Variants in PCSK6 observed in about 807,000 individuals in gnomAD.
PCSK6 encodes paired basic amino acid cleaving enzyme 4.
A neutral mutation model predicts 123.3 loss-of-function variants in PCSK6; 85 were observed. The ratio of observed to expected loss-of-function variants is 0.69; its 90% CI spans 0.58 to 0.83. The LOEUF (loss-of-function observed/expected upper bound fraction) is 0.83. Among genes scored for constraint, PCSK6 ranks in the 40% least tolerant of loss-of-function variants. PCSK6 has a pLI of 0.00. For synonymous variants in PCSK6, 508 were observed against 516.0 expected (o/e 0.98, Z 0.21); for missense variants, 1,191 against 1,282.3 (o/e 0.93, Z 1.09).
intron 20 of PCSK6, chr15:101,307,645 C>T: frequency 3.3e-6 from 1 of 299,058 alleles, no homozygotes; most frequent in South Asian, 4.0e-5. Flanking sequence ...GGCACCCAGC[C>T]CCCACCCCAC....
At chr15:101,385,505 T>C (rs969595613) in intron 9 of PCSK6, among the ~76,000 whole-genome samples, 2 of 152,184 alleles carry the variant, frequency 1.3e-5, no homozygotes, top group Non-Finnish European at 2.9e-5. Flanking sequence ...AACTCTTCAA[T>C]AGTTACAAAA....
Position 101,307,323 on chromosome 15 carries a change from C to T in PCSK6, c.2702G>A (p.Cys901Tyr). The T allele has an allele frequency of 6.2e-7, 1 of 1,611,292 alleles. No individual in the cohort carries two copies. The highest frequency in any genetic ancestry group is 8.5e-7 in the Non-Finnish European group (1 of 1,178,260). The change falls in exon 21 of 22, where the codon TGT becomes TAT. Residue 901 changes from cysteine (C) to tyrosine (Y), a missense_variant and splice_region_variant. By Grantham distance (194) the Cys-to-Tyr change is radical. This residue lies in a region of PCSK6 where 630 missense variants were observed against 631.4 expected (regional missense o/e 1.00). Coordinates refer to ENST00000611716, the MANE Select transcript of PCSK6 (RefSeq NM_002570.5). ...TGCACAGCTCAAGCAGTTCTCGTCACACCTGTGGGAAGATACCGTTCCTGC... is the reference window on the plus strand; with the variant it reads ...TGCACAGCTCAAGCAGTTCTCGTCATACCTGTGGGAAGATACCGTTCCTGC... ...PGLPHKVCRR[C>Y]DENCLSCAGS... is the part of the protein sequence containing the mutation.
chr15:101,347,553 G>A, intron 13 of PCSK6: 4 of 1,400,116 alleles, frequency 2.9e-6, no homozygotes, highest in Non-Finnish European at 3.7e-6. Flanking sequence ...GTTCATGCTT[G>A]CACGCACACG....
At chr15:101,399,869 T>C (rs891073930) in intron 6 of PCSK6, among the ~76,000 whole-genome samples, 2 of 152,172 alleles carry the variant, frequency 1.3e-5, no homozygotes, top group Non-Finnish European at 1.5e-5. Context: ...GCTCTGTGTG[T>C]GCGATGACCA....
chr15:101,376,933 C>T (rs1236887975), intron 11 of PCSK6, among the ~76,000 whole-genome samples: 1 of 152,220 alleles, frequency 6.6e-6, no homozygotes, highest in African/African-American at 2.4e-5. Flanking sequence ...CAGGTATACA[C>T]AGAGGTCAGA....
chr15:101,326,589 TC>T, intron 15 of PCSK6, 110 bp from the exon 16 acceptor site: 2 of 1,063,062 alleles, frequency 1.9e-6, no homozygotes, highest in Non-Finnish European at 1.4e-6. Context: ...TGGGAGACGC[TC>T]CCAGGCCCCG....
rs772968539 is a variant in PCSK6, at chr15:101,326,466, C to A, written c.2091G>T (p.Pro697=). The change falls in exon 16 of 22, where the codon CCG becomes CCT. Residue 697 remains proline, a synonymous_variant. Coordinates refer to ENST00000611716, the MANE Select transcript of PCSK6 (RefSeq NM_002570.5). The stretch of plus-strand genomic sequence containing the variant: ...CATCACAGCCTTTGTCACCACACTC[C>A]GGATGGCACACACCTTAAAGAAACA... The part of the protein sequence containing the change: ...ANILQTSVCH[P]ECGDKGCDGP... 3 of 1,580,322 alleles carry A rather than the reference C, an allele frequency of 1.9e-6. No individual in the cohort carries two copies. Among genetic ancestry groups the A allele is most frequent in the South Asian group, 1.2e-5 (1 of 85,936 alleles).
intron 6 of PCSK6, among the ~76,000 whole-genome samples, chr15:101,410,410 G>A (rs956081691): frequency 6.6e-6 from 1 of 152,198 alleles, no homozygotes; most frequent in Non-Finnish European, 1.5e-5. Flanking sequence ...GAGAGAAGGA[G>A]AACTATGTGC....
intron 1 of PCSK6, among the ~76,000 whole-genome samples, chr15:101,482,651 G>A (rs778328888): frequency 2.6e-5 from 4 of 152,208 alleles, no homozygotes; most frequent in African/African-American, 7.2e-5. Flanking sequence ...GCCGGCAGGA[G>A]TATCAGGCGG....
chr15:101,439,769 C>T (rs1216148399), intron 2 of PCSK6, among the ~76,000 whole-genome samples: 4 of 152,220 alleles, frequency 2.6e-5, no homozygotes, highest in Non-Finnish European at 5.9e-5. Context: ...AAGTCCCATC[C>T]TACAAAACAG....
At position 101,411,832 on chromosome 15, in the gene PCSK6, G is replaced by A. The variant is rs111665256; in HGVS notation, c.824-13256C>T. On this transcript the variant is annotated intron_variant, in intron 6 of 21. Transcript: ENST00000611716. ...CAGGAAACAGCAGGTAGGAAGCAGC[G>A]CTTTTACCTCCAGCAACCTCAAAAG... 1.6e-4 allele frequency among the ~76,000 whole-genome samples: 24 copies of A among 152,272 alleles called. No individual in the cohort carries two copies. The South Asian group carries it at 3.3e-3, about 21-fold the overall frequency.
In PCSK6 at chr15:101,444,080, G is replaced by A. The variant is rs555374193; in HGVS notation, c.298-420C>T. Among the ~76,000 whole-genome samples, 3 of 152,150 alleles carry A rather than the reference G, an allele frequency of 2.0e-5. 1 individual carries two copies. The South Asian group carries it at 6.2e-4, about 32-fold the overall frequency. ...ACAAACCCCATCCTCTCCACCCCAT[G>A]GGTAAACTGAAATATCGAAGAATGA... On this transcript the variant is annotated intron_variant, in intron 1 of 21. Transcript: ENST00000611716.
intron 2 of PCSK6, among the ~76,000 whole-genome samples, chr15:101,435,622 C>G (rs554509344): frequency 6.6e-6 from 1 of 152,356 alleles, no homozygotes; most frequent in African/African-American, 2.4e-5. Flanking sequence ...AAGCTACGCT[C>G]TGGGGCAGGG....
chr15:101,465,659 A>T (rs528113656), intron 1 of PCSK6, among the ~76,000 whole-genome samples: 1 of 146,168 alleles, frequency 6.8e-6, no homozygotes, highest in Admixed American at 6.9e-5. Flanking sequence ...AACTGAAGGA[A>T]GACAATGGTG....
intron 13 of PCSK6, chr15:101,347,641 C>A: frequency 6.4e-7 from 1 of 1,572,202 alleles, no homozygotes; most frequent in Non-Finnish European, 8.7e-7. Context: ...GCTGAGAGAT[C>A]CAGCTCTGGA....
chr15:101,462,985 G>A lies in PCSK6; in HGVS notation c.298-19325C>T, dbSNP rs573548297. 5 of 456,140 alleles carry A rather than the reference G, an allele frequency of 1.1e-5. No homozygotes were observed. The East Asian group carries it at 3.4e-4, about 31-fold the overall frequency. The allele number at this position is 456,140 out of a possible 1,614,324, so 28.3% of individuals were successfully genotyped here. ...GCCTGGGAAGGCTTTGTGCAGAGGA[G>A]GGCCGTTTCCTCCTCCGTGTTGGGA... is the stretch of plus-strand genomic sequence containing the variant. On this transcript the variant is annotated intron_variant, in intron 1 of 21. Transcript: ENST00000611716.
chr15:101,384,321 C>T lies in PCSK6; in HGVS notation c.1414+1G>A. The T allele has an allele frequency of 1.9e-6, 3 of 1,613,584 alleles. No homozygotes were observed. The highest frequency in any genetic ancestry group is 1.1e-5 in the South Asian group (1 of 91,002). On this transcript the variant is annotated splice_donor_variant, in intron 10 of 21. Transcript: ENST00000611716. LOFTEE classifies it high-confidence loss of function. The stretch of plus-strand genomic sequence containing the variant: ...GGTCCACCAGAACGCCACTGCCGCA[C>T]CTTTATGACCCGCGCCGTTCACTTT...
chr15:101,353,412 G>A (rs2040952667), intron 13 of PCSK6, among the ~76,000 whole-genome samples: 1 of 152,156 alleles, frequency 6.6e-6, no homozygotes, highest in South Asian at 2.1e-4. Context: ...CTCACCTCCT[G>A]CTGTGTAGTC....
At chr15:101,321,776 C>T (rs1224329223) in intron 18 of PCSK6, among the ~76,000 whole-genome samples, 1 of 152,242 alleles carries the variant, frequency 6.6e-6, no homozygotes, top group Non-Finnish European at 1.5e-5. Flanking sequence ...CTGCCCAGAC[C>T]TGCTGCATCA....
Sources: gnomAD v4.1 joint callset for allele counts (sites outside exome capture counted in the v4.1 genomes callset) on GRCh38, gnomAD v4.1.1 for gene constraint, gnomAD v4.1.1 regional missense constraint, MANE v1.5 for transcripts, NCBI Gene and HGNC (gene_info 2026-07-23, HGNC 2026-07-21) for gene names.